PHF3: variants seen among roughly 807,000 people sequenced by gnomAD.
The protein encoded by PHF3 is PHD finger protein 3.
In PHF3, 41 loss-of-function variants were observed where a neutral mutation model predicts 178.4. The ratio of observed to expected loss-of-function variants is 0.23; its 90% confidence interval spans 0.18 to 0.30. The LOEUF (loss-of-function observed/expected upper bound fraction) is 0.30. PHF3 is among the 10% of genes least tolerant of loss of function. The probability of loss-of-function intolerance (pLI) is 1.00; values close to 1 mark genes in which losing one functional copy is unlikely to be tolerated. For missense variants in PHF3, 2,346 were observed against 2,398.1 expected (o/e 0.98, Z 0.45); for synonymous variants, 842 against 800.5 (o/e 1.05, Z -0.88).
At chr6:63,707,725 CTTT>C in intron 13 of PHF3, among the ~76,000 whole-genome samples, 1 of 133,302 alleles carries the variant, frequency 7.5e-6, no homozygotes, top group Middle Eastern at 4.0e-3. Context: ...ATTTGCCTGT[CTTT>C]TTTTTTTTTT....
At position 63,719,029 on chromosome 6, in the gene PHF3, A is replaced by C. The variant is rs1333598072; in HGVS notation, c.*5321A>C. ...AGTTGTTTTAAGTGGTTTCCGTTAAAAAAACAAACCTTTGAATCAATGTGT... is the reference window on the plus strand; with the variant it reads ...AGTTGTTTTAAGTGGTTTCCGTTAACAAAACAAACCTTTGAATCAATGTGT... On this transcript the variant is annotated 3_prime_UTR_variant, in exon 16 of 16. Transcript: ENST00000262043. 1.3e-5 allele frequency among the ~76,000 whole-genome samples: 2 copies of C among 152,030 alleles called. No homozygotes were observed. The highest frequency in any genetic ancestry group is 2.9e-5 in the Non-Finnish European group (2 of 67,954).
intron 2 of PHF3, among the ~76,000 whole-genome samples, chr6:63,655,913 GA>G (rs1274070973): frequency 6.6e-6 from 1 of 152,152 alleles, no homozygotes. Context: ...AAAGTTCTGG[GA>G]TTACAGGCAT....
At chr6:63,644,242 A>T (rs1046825428) in intron 1 of PHF3, among the ~76,000 whole-genome samples, 1 of 152,048 alleles carries the variant, frequency 6.6e-6, no homozygotes, top group Non-Finnish European at 1.5e-5. Context: ...TTGGGATGCA[A>T]CTCTCTGAAG....
chr6:63,662,589 T>G (rs977912523), intron 2 of PHF3, among the ~76,000 whole-genome samples: 9 of 152,156 alleles, frequency 5.9e-5, no homozygotes, highest in African/African-American at 2.2e-4. Context: ...GAGGATCTTC[T>G]CAAAAGATTT....
At chr6:63,708,548 A>G (rs983828825) in intron 13 of PHF3, among the ~76,000 whole-genome samples, 3 of 152,224 alleles carry the variant, frequency 2.0e-5, no homozygotes, top group Non-Finnish European at 4.4e-5. Context: ...AATATCAATT[A>G]TGTTTTTATG....
chr6:63,662,071 C>G (rs1412406559), intron 2 of PHF3, among the ~76,000 whole-genome samples: 2 of 152,144 alleles, frequency 1.3e-5, no homozygotes, highest in African/African-American at 4.8e-5. Flanking sequence ...CTATTGTGAA[C>G]TCTGCATGTG....
Position 63,714,537 on chromosome 6 carries a change from T to C in PHF3, c.*829T>C, listed in dbSNP as rs1242217937. 1 of 152,574 alleles carries C rather than the reference T, an allele frequency of 6.6e-6. No individual in the cohort carries two copies. The highest frequency in any genetic ancestry group is 2.4e-5 in the African/African-American group (1 of 41,450). The allele number at this position is 152,574 out of a possible 1,614,324, so 9.5% of individuals were successfully genotyped here. A position where few individuals can be genotyped will look rare whatever the true frequency, so the allele number is the denominator to read the frequency against. On this transcript the variant is annotated 3_prime_UTR_variant, in exon 16 of 16. Coordinates refer to ENST00000262043, the MANE Select transcript of PHF3 (RefSeq NM_001370348.2). ...TTACCTTCAGACATTGATTTTTTGT[T>C]ACTCAGCCAAGAACATATAGAAATA...
rs1384577266 is a variant in PHF3, at chr6:63,724,494, G to A, written c.*10786G>A. The stretch of plus-strand genomic sequence containing the variant: ...GCAATGACTAGGCCTTTTTATACAC[G>A]TTGGGAGGATTATAACTATATCAGA... On this transcript the variant is annotated 3_prime_UTR_variant, in exon 16 of 16. Coordinates refer to ENST00000262043, the MANE Select transcript of PHF3 (RefSeq NM_001370348.2). Among the ~76,000 whole-genome samples the A allele has an allele frequency of 1.3e-5, 2 of 152,052 alleles. No homozygotes were observed. The highest frequency in any genetic ancestry group is 2.9e-5 in the Non-Finnish European group (2 of 68,002).
intron 1 of PHF3, among the ~76,000 whole-genome samples, chr6:63,644,372 C>T (rs1317713552): frequency 6.6e-6 from 1 of 151,968 alleles, no homozygotes; most frequent in Non-Finnish European, 1.5e-5. Flanking sequence ...TTTTTAATTA[C>T]CAGAATTTAA....
intron 5 of PHF3, 104 bp from the exon 6 acceptor site, chr6:63,694,469 ATGAAAGAG>A (rs1767144716): frequency 2.7e-6 from 2 of 743,782 alleles, no homozygotes; most frequent in Admixed American, 5.9e-5. Context: ...TAGATTTCGA[ATGAAAGAG>A]TGAATCTCAT....
In PHF3 at chr6:63,699,082, T is replaced by C. The variant is rs150649958; in HGVS notation, c.2982+477T>C. 2.6e-3 allele frequency among the ~76,000 whole-genome samples: 397 copies of C among 152,312 alleles called. 1 individual carries two copies. Among genetic ancestry groups the C allele is most frequent in the African/African-American group, 9.1e-3 (379 of 41,558 alleles). ...CTAAAGATAGTCTTAAATATAACTT[T>C]AGTTCCAAGTATTATAGCAGTAGAG... On this transcript the variant is annotated intron_variant, in intron 8 of 15. Coordinates refer to ENST00000262043, the MANE Select transcript of PHF3 (RefSeq NM_001370348.2).
chr6:63,701,829 T>C (rs979733333), intron 9 of PHF3, among the ~76,000 whole-genome samples: 3 of 152,170 alleles, frequency 2.0e-5, no homozygotes, highest in African/African-American at 7.2e-5. Context: ...GCGAGTAACA[T>C]CTGTATCAGA....
intron 2 of PHF3, among the ~76,000 whole-genome samples, chr6:63,664,612 GATAAA>G (rs1304828497): frequency 6.6e-6 from 1 of 152,050 alleles, no homozygotes; most frequent in Non-Finnish European, 1.5e-5. Flanking sequence ...TTGAGCCATA[GATAAA>G]ATATTTATAC....
chr6:63,672,905 G>A (rs1765981858), intron 2 of PHF3, among the ~76,000 whole-genome samples: 1 of 152,128 alleles, frequency 6.6e-6, no homozygotes, highest in African/African-American at 2.4e-5. Context: ...GTACCTCACT[G>A]CCGATTTCTG....
Position 63,706,138 on chromosome 6 carries a change from A to AT in PHF3, c.3478dup (p.Ser1160PhefsTer10). On this transcript the variant is annotated frameshift_variant, in exon 12 of 16. Coordinates refer to ENST00000262043, the MANE Select transcript of PHF3 (RefSeq NM_001370348.2). LOFTEE classifies it high-confidence loss of function. ...AAGCAGAAAGTATAGCAGATGCATTATCTTCAACCTCAAATATTTTGGCTT... is the reference window on the plus strand; with the variant it reads ...AAGCAGAAAGTATAGCAGATGCATTATTCTTCAACCTCAAATATTTTGGCTT... 6.2e-7 allele frequency: 1 copy of AT among 1,614,028 alleles called. No individual in the cohort carries two copies. The highest frequency in any genetic ancestry group is 8.5e-7 in the Non-Finnish European group (1 of 1,179,910).
At chr6:63,677,323 T>C (rs922799628) in intron 2 of PHF3, among the ~76,000 whole-genome samples, 3 of 152,052 alleles carry the variant, frequency 2.0e-5, no homozygotes, top group Non-Finnish European at 2.9e-5. Context: ...TGAACTGTTG[T>C]ATCCTTCAGT....
intron 4 of PHF3, among the ~76,000 whole-genome samples, chr6:63,687,867 TAG>T (rs1314071840): frequency 1.3e-5 from 2 of 152,204 alleles, no homozygotes; most frequent in African/African-American, 4.8e-5. Flanking sequence ...TAGAATGACT[TAG>T]AATGTCAGGT....
At chr6:63,638,209 G>C (rs1395070105) in intron 1 of PHF3, among the ~76,000 whole-genome samples, 1 of 152,114 alleles carries the variant, frequency 6.6e-6, no homozygotes, top group African/African-American at 2.4e-5. Flanking sequence ...AATCCACTAG[G>C]AAAGTTGACA....
At chr6:63,640,413 T>C (rs1016590522) in intron 1 of PHF3, among the ~76,000 whole-genome samples, 1 of 152,254 alleles carries the variant, frequency 6.6e-6, no homozygotes, top group Non-Finnish European at 1.5e-5. Context: ...GTAACTTTGC[T>C]AAACTTTAGC....
Sources: gnomAD v4.1 joint callset for allele counts (sites outside exome capture counted in the v4.1 genomes callset) on GRCh38, gnomAD v4.1.1 for gene constraint, MANE v1.5 for transcripts, NCBI Gene and HGNC (gene_info 2026-07-23, HGNC 2026-07-21) for gene names.